The following TP63 variants were observed in gnomAD, a reference collection of about 807,000 sequenced individuals.
TP63 encodes tumor protein 63.
In TP63, 17 loss-of-function variants were observed where a neutral mutation model predicts 82.8. The observed-to-expected ratio is 0.21, with a 90% CI of 0.14 to 0.31. TP63 has a LOEUF of 0.31. TP63 is among the 10% of genes least tolerant of loss of function. The pLI is 1.00. For synonymous variants in TP63, 330 were observed against 321.7 expected, an observed-to-expected ratio of 1.03 and a Z score of -0.28; for missense variants, 648 against 895.3, an observed-to-expected ratio of 0.72 and a Z score of 3.52.
At chr3:189,816,467 G>T (rs964792310) in intron 4 of TP63, among the ~76,000 whole-genome samples, 1 of 152,120 alleles carries the variant, frequency 6.6e-6, no homozygotes, top group Non-Finnish European at 1.5e-5. Flanking sequence ...TTGGTAAAGG[G>T]CCGATGTATG....
At chr3:189,778,917 G>C (rs948298869) in intron 3 of TP63, among the ~76,000 whole-genome samples, 1 of 152,166 alleles carries the variant, frequency 6.6e-6, no homozygotes, top group African/African-American at 2.4e-5. Flanking sequence ...CATTCACTTA[G>C]CAACCAAGTT....
chr3:189,886,326 T>C (rs1720438395), intron 10 of TP63, 68 bp from the exon 11 acceptor site: 3 of 1,550,972 alleles, frequency 1.9e-6, no homozygotes, highest in Non-Finnish European at 2.7e-6. Flanking sequence ...CAGAGACCTG[T>C]TGAAAATCAA....
rs549380818 is a variant in TP63, at chr3:189,893,861, G to A, written c.1747-345G>A. On this transcript the variant is annotated intron_variant, in intron 13 of 13. Coordinates refer to ENST00000264731, the MANE Select transcript of TP63 (RefSeq NM_003722.5). ...ACATTCCATTAATACCTTTCTTCTA[G>A]TGACTAGCCAGGTAAATTCAAGCAT... Among the ~76,000 whole-genome samples, 6 of 152,176 alleles carry A rather than the reference G, an allele frequency of 3.9e-5. No homozygotes were observed. In the East Asian group the frequency reaches 1.2e-3, roughly 30 times the overall value.
At chr3:189,698,760 C>T (rs1256760162) in intron 1 of TP63, among the ~76,000 whole-genome samples, 1 of 152,016 alleles carries the variant, frequency 6.6e-6, no homozygotes, top group African/African-American at 2.4e-5. Flanking sequence ...TAAATAAGAG[C>T]CTATTGATCA....
At chr3:189,839,014 A>C (rs1413030298) in intron 4 of TP63, among the ~76,000 whole-genome samples, 1 of 144,392 alleles carries the variant, frequency 6.9e-6, no homozygotes, top group Admixed American at 7.1e-5. Flanking sequence ...TTTAAGGTGC[A>C]CTAAAAAGCA....
At chr3:189,813,051 G>A (rs1383721837) in intron 4 of TP63, among the ~76,000 whole-genome samples, 2 of 152,108 alleles carry the variant, frequency 1.3e-5, no homozygotes, top group African/African-American at 2.4e-5. Flanking sequence ...GCAGATGTAG[G>A]CTCTCCTTGC....
At chr3:189,636,000 T>G (rs539712699) in intron 1 of TP63, among the ~76,000 whole-genome samples, 1 of 152,278 alleles carries the variant, frequency 6.6e-6, no homozygotes, top group South Asian at 2.1e-4. Context: ...CTGAAAGGAA[T>G]GAGCCAACAT....
At chr3:189,814,862 T>C (rs112608946) in intron 4 of TP63, among the ~76,000 whole-genome samples, 3,031 of 152,326 alleles carry the variant, frequency 0.02, 114 homozygotes, top group African/African-American at 0.069. Context: ...TCCCATACTA[T>C]TTTGAGTGAT....
chr3:189,698,264 T>A (rs1717540776), intron 1 of TP63, among the ~76,000 whole-genome samples: 1 of 151,980 alleles, frequency 6.6e-6, no homozygotes, highest in Admixed American at 6.6e-5. Context: ...TGTCAAATGA[T>A]TTTTTTTCTC....
chr3:189,759,357 G>A (rs1215308417), intron 3 of TP63, among the ~76,000 whole-genome samples: 1 of 152,046 alleles, frequency 6.6e-6, no homozygotes, highest in Non-Finnish European at 1.5e-5. Context: ...TTATGGGAGG[G>A]GACAGAACTC....
chr3:189,663,680 G>A (rs114596012), intron 1 of TP63, among the ~76,000 whole-genome samples: 2,039 of 151,386 alleles, frequency 0.013, 24 homozygotes, highest in East Asian at 0.044. Context: ...GGCACATGCC[G>A]CTATTTTCAG....
the TP63 span, among the ~76,000 whole-genome samples, chr3:189,618,313 T>C: frequency 6.6e-6 from 1 of 152,226 alleles, no homozygotes; most frequent in East Asian, 1.9e-4. Context: ...AAGAATCTAA[T>C]GAGAAAGTCT....
the TP63 span, among the ~76,000 whole-genome samples, chr3:189,602,119 C>T: frequency 2.8e-4 from 42 of 152,288 alleles, no homozygotes; most frequent in East Asian, 6.0e-3. Context: ...TCTCTCCTCT[C>T]TTCTCCACTG....
intron 4 of TP63, among the ~76,000 whole-genome samples, chr3:189,840,359 C>CTTTT: frequency 1.4e-4 from 6 of 44,430 alleles, no homozygotes; most frequent in Non-Finnish European, 2.0e-4. Context: ...TGCTTTTCGT[C>CTTTT]TTTTTTTTTT....
intron 1 of TP63, 42 bp downstream of exon 1, chr3:189,631,619 A>C: frequency 3.7e-6 from 6 of 1,611,982 alleles, no homozygotes; most frequent in Non-Finnish European, 5.1e-6. Context: ...AACTTAATTG[A>C]AGTGCCTTGT....
At chr3:189,697,098 A>G (rs2108732320) in intron 1 of TP63, among the ~76,000 whole-genome samples, 2 of 152,142 alleles carry the variant, frequency 1.3e-5, no homozygotes, top group Non-Finnish European at 2.9e-5. Context: ...AAAATTTATT[A>G]TCAAACTCAG....
At chr3:189,618,424 C>T in the TP63 span, among the ~76,000 whole-genome samples, 1 of 152,180 alleles carries the variant, frequency 6.6e-6, no homozygotes, top group Non-Finnish European at 1.5e-5. Context: ...CTTATTCTTC[C>T]TCTAGGAATG....
intron 1 of TP63, among the ~76,000 whole-genome samples, chr3:189,661,416 A>G (rs936371092): frequency 6.6e-6 from 1 of 152,108 alleles, no homozygotes; most frequent in Admixed American, 6.6e-5. Context: ...CATCCCAGAA[A>G]TGAAGCCTAC....
intron 4 of TP63, among the ~76,000 whole-genome samples, chr3:189,834,074 A>T (rs1409124541): frequency 6.6e-6 from 1 of 152,208 alleles, no homozygotes; most frequent in Non-Finnish European, 1.5e-5. Flanking sequence ...GTTGAGAGAC[A>T]TGACGATACT....
Sources: gnomAD v4.1 joint callset for allele counts (sites outside exome capture counted in the v4.1 genomes callset) on GRCh38, gnomAD v4.1.1 for gene constraint, MANE v1.5 for transcripts, NCBI Gene and HGNC (gene_info 2026-07-23, HGNC 2026-07-21) for gene names.